GALNT12: variants seen among roughly 807,000 people sequenced by gnomAD.
GALNT12 encodes the protein UDP-GalNAc:polypeptide N-acetylgalactosaminyltransferase 12.
In GALNT12, 45 loss-of-function variants were observed where a neutral mutation model predicts 55.5. The ratio of observed to expected loss-of-function variants is 0.81; its 90% confidence interval spans 0.64 to 1.04. The LOEUF (loss-of-function observed/expected upper bound fraction) is 1.04, where lower values mean the gene tolerates loss of function less well. Ranked by LOEUF, GALNT12 falls within the 50% of genes least tolerant of loss-of-function variation. The probability of loss-of-function intolerance (pLI) is 0.00; values close to 1 mark genes in which losing one functional copy is unlikely to be tolerated. For synonymous variants in GALNT12, 304 were observed against 312.2 expected (o/e 0.97, Z 0.28); for missense variants, 709 against 754.8 (o/e 0.94, Z 0.71).
chr9:98,839,755 C>T (rs1203747225), intron 6 of GALNT12, among the ~76,000 whole-genome samples: 3 of 152,168 alleles, frequency 2.0e-5, no homozygotes, highest in Admixed American at 2.0e-4. Context: ...CCCTTGTGCA[C>T]CTGGTCACAC....
At chr9:98,814,803 G>C (rs899444809) in intron 1 of GALNT12, among the ~76,000 whole-genome samples, 3 of 152,178 alleles carry the variant, frequency 2.0e-5, no homozygotes, top group African/African-American at 7.2e-5. Context: ...TACCCAGTAG[G>C]GTTGTTAGGA....
intron 3 of GALNT12, among the ~76,000 whole-genome samples, chr9:98,828,272 G>A (rs1335979390): frequency 2.0e-5 from 3 of 152,164 alleles, no homozygotes; most frequent in Non-Finnish European, 2.9e-5. Context: ...TACTGTCCTG[G>A]CTTCTTGTCA....
In GALNT12 at chr9:98,849,017, C is replaced by G. The variant is rs1836486217; in HGVS notation, c.1671C>G (p.Asp557Glu). ...AGGCTGCGAGGAAGGAGTCGAGTGA[C>G]AGTTTCGTTCCACTCTTACGAGACT... ...CVQAARKESS[D>E]SFVPLLRDCT... The change falls in exon 10 of 10, where the codon GAC (aspartate) becomes GAG (glutamate). Residue 557 changes from aspartate (D) to glutamate (E), a missense_variant. Around this residue, in one of 5 missense-constraint regions of GALNT12, gnomAD observed 262 missense variants for 310.7 expected, o/e 0.84. Transcript: ENST00000375011. 6.2e-7 allele frequency: 1 copy of G among 1,613,972 alleles called. No homozygotes were observed. The highest frequency in any genetic ancestry group is 8.5e-7 in the Non-Finnish European group (1 of 1,179,944).
chr9:98,830,158 A>T (rs535744392), intron 3 of GALNT12, among the ~76,000 whole-genome samples: 1 of 152,154 alleles, frequency 6.6e-6, no homozygotes, highest in East Asian at 1.9e-4. Context: ...TTTGGATCTA[A>T]CTCTTGGGGC....
chr9:98,837,672 G>A (rs191371351), intron 6 of GALNT12, among the ~76,000 whole-genome samples: 2 of 152,282 alleles, frequency 1.3e-5, no homozygotes, highest in Admixed American at 1.3e-4. Context: ...TTCTAGAATA[G>A]CTGGTGCAGT....
Position 98,823,420 on chromosome 9 carries a change from A to G in GALNT12, c.536A>G (p.Asp179Gly), listed in dbSNP as rs906520882. Residue 179 changes from aspartate to glycine, a missense_variant, in exon 2 of 10, where the codon GAT becomes GGT. Around this residue, in one of 5 missense-constraint regions of GALNT12, gnomAD observed 315 missense variants for 288.6 expected, o/e 1.09. Coordinates refer to ENST00000375011, the MANE Select transcript of GALNT12 (RefSeq NM_024642.5). ...GTGATCCTTGTAGATGACTACAGTG[A>G]TAGAGGTGAGTCCCGGCCAGGGCTC... The part of the protein sequence containing the change: ...EEVILVDDYS[D>G]REHLKERLAN... 6.2e-7 allele frequency: 1 copy of G among 1,613,928 alleles called. No homozygotes were observed. The highest frequency in any genetic ancestry group is 1.3e-5 in the African/African-American group (1 of 74,922).
At chr9:98,839,706 T>C (rs1836240456) in intron 6 of GALNT12, among the ~76,000 whole-genome samples, 1 of 152,350 alleles carries the variant, frequency 6.6e-6, no homozygotes, top group Admixed American at 6.5e-5. Flanking sequence ...GCCCCAGGGC[T>C]TGGCTCCTTC....
intron 1 of GALNT12, among the ~76,000 whole-genome samples, chr9:98,813,362 T>A (rs1230044591): frequency 6.6e-6 from 1 of 152,260 alleles, no homozygotes; most frequent in Non-Finnish European, 1.5e-5. Flanking sequence ...TGAGGTCTTC[T>A]TTTATTTAAG....
intron 9 of GALNT12, among the ~76,000 whole-genome samples, chr9:98,847,678 T>TCAAGG (rs1836451401): frequency 1.3e-5 from 2 of 152,130 alleles, no homozygotes; most frequent in Non-Finnish European, 2.9e-5. Flanking sequence ...TTATTATATT[T>TCAAGG]CATCAGTCAT....
At position 98,844,117 on chromosome 9, in the gene GALNT12, G is replaced by A. The variant is rs763533761; in HGVS notation, c.1366G>A (p.Asp456Asn). 3.1e-6 allele frequency: 5 copies of A among 1,613,182 alleles called. No homozygotes were observed. The Admixed American group carries it at 8.3e-5, about 27-fold the overall frequency. The change falls in exon 8 of 10, where the codon GAC becomes AAC. Residue 456 changes from aspartate (D) to asparagine (N), a missense_variant. By Grantham distance (23) the Asp-to-Asn change is conservative. This residue lies in a region of GALNT12 where 262 missense variants were observed against 310.7 expected (regional missense o/e 0.84). Coordinates refer to ENST00000375011, the MANE Select transcript of GALNT12 (RefSeq NM_024642.5). Reference sequence around the variant, plus strand: ...TTAGCTCCAGAACAAAGGACTAACAGACTACTGCTTTGACTATAACCCTCC... The same window carrying A: ...TTAGCTCCAGAACAAAGGACTAACAAACTACTGCTTTGACTATAACCCTCC... ...FGMLQNKGLT[D>N]YCFDYNPPDE...
intron 1 of GALNT12, among the ~76,000 whole-genome samples, chr9:98,814,219 A>G (rs978657506): frequency 7.9e-5 from 12 of 152,188 alleles, no homozygotes; most frequent in Admixed American, 5.2e-4. Context: ...CACAAACCAC[A>G]TAGACTGAGA....
intron 9 of GALNT12, 73 bp from the exon 10 acceptor site, chr9:98,848,879 T>C: frequency 6.4e-7 from 1 of 1,568,764 alleles, no homozygotes; most frequent in Admixed American, 1.7e-5. Context: ...CAGACCCTGA[T>C]CTCTTTAAAA....
At chr9:98,816,686 T>C (rs1189199231) in intron 1 of GALNT12, among the ~76,000 whole-genome samples, 2 of 151,482 alleles carry the variant, frequency 1.3e-5, no homozygotes, top group Admixed American at 6.6e-5. Context: ...GATCTGGCTC[T>C]GTCACCCAGG....
chr9:98,844,063 TG>T, intron 7 of GALNT12, 32 bp from the exon 8 acceptor site: 1 of 1,459,164 alleles, frequency 6.9e-7, no homozygotes, highest in Non-Finnish European at 9.6e-7. Context: ...TCTATAAATC[TG>T]GACTGAAATG....
chr9:98,813,692 G>A (rs900419895), intron 1 of GALNT12, among the ~76,000 whole-genome samples: 1 of 151,884 alleles, frequency 6.6e-6, no homozygotes, highest in African/African-American at 2.4e-5. Flanking sequence ...TAGAAACGGG[G>A]TTTCACCATG....
intron 1 of GALNT12, among the ~76,000 whole-genome samples, chr9:98,808,579 C>A (rs2118261392): frequency 1.3e-5 from 2 of 152,334 alleles, no homozygotes; most frequent in Middle Eastern, 6.8e-3. Flanking sequence ...AGAAAGCCTC[C>A]TTGTGCTCTC....
chr9:98,835,369 A>G lies in GALNT12; in HGVS notation c.1035+3A>G, dbSNP rs199514478. The G allele has an allele frequency of 6.5e-7, 1 of 1,532,278 alleles. No homozygotes were observed. The highest frequency in any genetic ancestry group is 9.0e-7 in the Non-Finnish European group (1 of 1,105,378). 94.9% of individuals were successfully genotyped at this position (1,532,278 alleles called of 1,614,324 possible). On this transcript the variant is annotated splice_donor_region_variant and intron_variant, in intron 5 of 9. Coordinates refer to ENST00000375011, the MANE Select transcript of GALNT12 (RefSeq NM_024642.5). ...AAAACCTCGAATTTTCCTTTAGGGT[A>G]AGTATTTCAGTCTTCTCTTTGGACA...
At chr9:98,826,552 C>G (rs1835859765) in intron 2 of GALNT12, among the ~76,000 whole-genome samples, 200 bp from the exon 3 acceptor site, 2 of 152,120 alleles carry the variant, frequency 1.3e-5, no homozygotes, top group African/African-American at 4.8e-5. Flanking sequence ...GAATTCCTCC[C>G]CCAGCCTCCT....
In GALNT12 at chr9:98,834,085, AACATTTTC is replaced by A. The variant is rs1836069070; in HGVS notation, c.918-1162_918-1155del. Reference sequence around the variant, plus strand: ...GCAGGCCCCGATGCTGCAGGATGTTAACATTTTCAGTGGTTGCGCTCTCAATGTTCTCT... The same window carrying A: ...GCAGGCCCCGATGCTGCAGGATGTTAAGTGGTTGCGCTCTCAATGTTCTCT... On this transcript the variant is annotated intron_variant, in intron 4 of 9. Coordinates refer to ENST00000375011, the MANE Select transcript of GALNT12 (RefSeq NM_024642.5). Among the ~76,000 whole-genome samples the A allele has an allele frequency of 2.0e-5, 3 of 151,680 alleles. No homozygotes were observed. In the South Asian group the frequency reaches 6.3e-4, roughly 32 times the overall value.
Sources: gnomAD v4.1 joint callset for allele counts (sites outside exome capture counted in the v4.1 genomes callset) on GRCh38, gnomAD v4.1.1 for gene constraint, gnomAD v4.1.1 regional missense constraint, MANE v1.5 for transcripts, NCBI Gene and HGNC (gene_info 2026-07-23, HGNC 2026-07-21) for gene names.